Variants in BCAR3 observed in about 807,000 individuals in gnomAD.
BCAR3 encodes breast cancer anti-estrogen resistance protein 3.
Under a neutral mutation model 80.1 loss-of-function variants are expected in BCAR3, and 37 were observed. The observed-to-expected ratio is 0.46, with a 90% confidence interval of 0.36 to 0.61. The LOEUF is 0.61. Ranked by LOEUF, BCAR3 falls within the 20% of genes least tolerant of loss-of-function variation. BCAR3 has a pLI of 0.00. For synonymous variants in BCAR3, 389 were observed against 418.9 expected (o/e 0.93, Z 0.87); for missense variants, 978 against 1,068.2 (o/e 0.92, Z 1.18).
intron 2 of BCAR3, among the ~76,000 whole-genome samples, chr1:93,728,330 G>A (rs1650664960): frequency 6.6e-6 from 1 of 152,224 alleles, no homozygotes; most frequent in South Asian, 2.1e-4. Context: ...CCCACCCCAT[G>A]GCAGTGTTGA....
chr1:93,689,446 A>T (rs555811478), intron 3 of BCAR3, among the ~76,000 whole-genome samples: 17 of 151,616 alleles, frequency 1.1e-4, no homozygotes, highest in Non-Finnish European at 1.9e-4. Context: ...CAGGAGAATC[A>T]CCTGAACCTG....
chr1:93,798,821 G>A (rs994447193), intron 2 of BCAR3, among the ~76,000 whole-genome samples: 5 of 152,042 alleles, frequency 3.3e-5, no homozygotes, highest in Non-Finnish European at 5.9e-5. Context: ...AATTCTGACT[G>A]GGCATCAAAA....
At chr1:93,826,138 G>A (rs1654366204) in intron 2 of BCAR3, among the ~76,000 whole-genome samples, 1 of 152,186 alleles carries the variant, frequency 6.6e-6, no homozygotes, top group Admixed American at 6.5e-5. Context: ...AAGGACTCCA[G>A]AGTCGGGGAT....
intron 2 of BCAR3, among the ~76,000 whole-genome samples, chr1:93,774,198 C>G (rs1288023018): frequency 1.3e-5 from 2 of 152,080 alleles, no homozygotes; most frequent in African/African-American, 4.8e-5. Context: ...TTAAAAAGGA[C>G]AAGCAGCAGG....
chr1:93,816,670 CAAAAAAAAA>C lies in BCAR3; in HGVS notation c.-63+28888_-63+28896del, dbSNP rs60051218. The stretch of plus-strand genomic sequence containing the variant: ...TCGGCGACAGAGCTAGACTCCATCT[CAAAAAAAAA>C]AAAAAAAAAAAAAAAAGAAATTAAA... On this transcript the variant is annotated intron_variant, in intron 2 of 13. Transcript: ENST00000370244. 9.3e-5 allele frequency among the ~76,000 whole-genome samples: 5 copies of C among 53,890 alleles called. No homozygotes were observed. In the South Asian group the frequency reaches 3.1e-3, roughly 33 times the overall value. 35.4% of individuals were successfully genotyped at this position (53,890 alleles called of 152,430 possible). A position where few individuals can be genotyped will look rare whatever the true frequency, so the allele number is the denominator to read the frequency against.
At chr1:93,608,365 T>C (rs966974415) in intron 3 of BCAR3, among the ~76,000 whole-genome samples, 18 of 152,190 alleles carry the variant, frequency 1.2e-4, no homozygotes, top group African/African-American at 4.3e-4. Flanking sequence ...TTCCTGGGGA[T>C]ACCCAAGATA....
At chr1:93,611,030 C>G (rs909478242) in intron 3 of BCAR3, among the ~76,000 whole-genome samples, 12 of 152,138 alleles carry the variant, frequency 7.9e-5, no homozygotes, top group African/African-American at 2.9e-4. Context: ...CTTGGTGTGT[C>G]CTCTGCGGAA....
At chr1:93,841,985 C>T (rs1654978665) in intron 2 of BCAR3, among the ~76,000 whole-genome samples, 1 of 152,180 alleles carries the variant, frequency 6.6e-6, no homozygotes, top group African/African-American at 2.4e-5. Flanking sequence ...TCCTTGTACG[C>T]AAGTCAGTCC....
At chr1:93,782,414 A>T (rs1249364803) in intron 2 of BCAR3, among the ~76,000 whole-genome samples, 1 of 152,232 alleles carries the variant, frequency 6.6e-6, no homozygotes, top group African/African-American at 2.4e-5. Context: ...CAATCCTGCC[A>T]TGGCTAATCT....
chr1:93,642,363 A>G lies in BCAR3; in HGVS notation c.318-20T>C, dbSNP rs560000434. On this transcript the variant is annotated intron_variant, in intron 2 of 11. Coordinates refer to ENST00000260502, the MANE Select transcript of BCAR3 (RefSeq NM_003567.4). ...GGATCCCTGAAAAGAGAAAATATAA[A>G]TATGAGAATGGTTGGGAACGATGCA... The G allele has an allele frequency of 3.4e-5, 54 of 1,606,090 alleles. No individual in the cohort carries two copies. The East Asian group carries it at 1.1e-3, about 32-fold the overall frequency.
At chr1:93,680,727 T>C (rs1469060911) in intron 1 of BCAR3, among the ~76,000 whole-genome samples, 1 of 152,192 alleles carries the variant, frequency 6.6e-6, no homozygotes, top group Non-Finnish European at 1.5e-5. Context: ...TTTTTCTCCT[T>C]TGCACCTTGC....
chr1:93,615,464 T>C (rs1675088237), intron 3 of BCAR3, among the ~76,000 whole-genome samples: 1 of 152,230 alleles, frequency 6.6e-6, no homozygotes, highest in Admixed American at 6.5e-5. Context: ...ACTTCCTTTC[T>C]GCTTTCCTCC....
At chr1:93,733,985 T>C (rs1277072472) in intron 2 of BCAR3, among the ~76,000 whole-genome samples, 9 of 152,342 alleles carry the variant, frequency 5.9e-5, no homozygotes, top group Admixed American at 5.9e-4. Context: ...TGGATTTCTA[T>C]AGGGAGAACT....
intron 3 of BCAR3, among the ~76,000 whole-genome samples, chr1:93,616,330 A>T (rs769732186): frequency 4.6e-5 from 7 of 152,208 alleles, no homozygotes; most frequent in Non-Finnish European, 8.8e-5. Flanking sequence ...TTCTCCTGAA[A>T]CGGTCAAGGA....
At chr1:93,595,625 T>C (rs2101856723) in intron 3 of BCAR3, among the ~76,000 whole-genome samples, 1 of 152,358 alleles carries the variant, frequency 6.6e-6, no homozygotes, top group Middle Eastern at 3.4e-3. Context: ...CAATTATTTT[T>C]CCCAGCTGCC....
intron 2 of BCAR3, among the ~76,000 whole-genome samples, chr1:93,829,305 G>A (rs545945367): frequency 6.6e-6 from 1 of 152,008 alleles, no homozygotes; most frequent in East Asian, 1.9e-4. Context: ...ACTTGTACAC[G>A]TGATTTTACC....
At chr1:93,632,860 A>G (rs1675670482) in intron 3 of BCAR3, among the ~76,000 whole-genome samples, 1 of 152,168 alleles carries the variant, frequency 6.6e-6, no homozygotes, top group Admixed American at 6.5e-5. Flanking sequence ...TCTAATAAAA[A>G]TATAAAAAAT....
At chr1:93,788,115 T>C (rs903423725) in intron 2 of BCAR3, among the ~76,000 whole-genome samples, 1 of 152,294 alleles carries the variant, frequency 6.6e-6, no homozygotes. Flanking sequence ...CTGTTTTGTC[T>C]GATATAAGAA....
rs1246787287 is a variant in BCAR3, at chr1:93,578,822, G to A, written c.1687-2693C>T. On this transcript the variant is annotated intron_variant, in intron 7 of 11. Transcript: ENST00000260502. ...TCAGTCAAAGCTGAATATATAACACGGATAAACACTTAGTGCTCACTGTGG... is the reference window on the plus strand; with the variant it reads ...TCAGTCAAAGCTGAATATATAACACAGATAAACACTTAGTGCTCACTGTGG... Among the ~76,000 whole-genome samples the A allele has an allele frequency of 4.0e-5, 6 of 151,724 alleles. No homozygotes were observed. The East Asian group carries it at 7.7e-4, about 20-fold the overall frequency.
Sources: allele counts gnomAD v4.1 joint callset (sites outside exome capture counted in the v4.1 genomes callset), GRCh38; gene constraint gnomAD v4.1.1; transcripts MANE v1.5; gene names NCBI Gene and HGNC (gene_info 2026-07-23, HGNC 2026-07-21).